Variants in LEPROT observed in about 807,000 individuals in gnomAD.
The protein encoded by LEPROT is leptin receptor overlapping transcript.
In LEPROT, 3 loss-of-function variants were observed where a neutral mutation model predicts 15.4. That is an observed-to-expected ratio of 0.19 (90% confidence interval 0.09 to 0.50). The LOEUF (loss-of-function observed/expected upper bound fraction) is 0.50. LEPROT is among the 20% of genes least tolerant of loss of function. LEPROT has a pLI of 0.97. For synonymous variants in LEPROT, 59 were observed against 57.5 expected (o/e 1.03, Z -0.12); for missense variants, 137 against 162.2 (o/e 0.84, Z 0.84).
chr1:65,434,321 C>CT lies in LEPROT; in HGVS notation c.*2409dup, dbSNP rs927501202. The CT allele has an allele frequency of 6.1e-6, 6 of 984,652 alleles. No homozygotes were observed. The Admixed American group carries it at 3.1e-4, about 51-fold the overall frequency. 61.0% of individuals were successfully genotyped at this position (984,652 alleles called of 1,614,324 possible). The stretch of plus-strand genomic sequence containing the variant: ...GACATTTTTTTCCTTATAAAAGGCT[C>CT]TTTTTTTATATATTGTACAATATAT... On this transcript the variant is annotated 3_prime_UTR_variant, in exon 4 of 4. Transcript: ENST00000371065.
chr1:65,433,753 A>G lies in LEPROT; in HGVS notation c.*1834A>G, dbSNP rs1331590790. On this transcript the variant is annotated 3_prime_UTR_variant, in exon 4 of 4. Coordinates refer to ENST00000371065, the MANE Select transcript of LEPROT (RefSeq NM_017526.5). ...TTTATAATTTTAACCGGCATTTTTA[A>G]TAATGACACTTGCATTTATTGTATT... is the stretch of plus-strand genomic sequence containing the variant. 1.2e-5 allele frequency: 11 copies of G among 919,214 alleles called. No individual in the cohort carries two copies. The highest frequency in any genetic ancestry group is 1.3e-5 in the Non-Finnish European group (10 of 770,042). 56.9% of individuals were successfully genotyped at this position (919,214 alleles called of 1,614,324 possible). A position where few individuals can be genotyped will look rare whatever the true frequency, so the allele number is the denominator to read the frequency against.
At position 65,432,213 on chromosome 1, in the gene LEPROT, T is replaced by C; in HGVS notation, c.*294T>C. The C allele has an allele frequency of 1.9e-6, 2 of 1,043,536 alleles. No homozygotes were observed. Among genetic ancestry groups the C allele is most frequent in the Non-Finnish European group, 2.3e-6 (2 of 866,902 alleles). The allele number at this position is 1,043,536 out of a possible 1,614,324, so 64.6% of individuals were successfully genotyped here. On this transcript the variant is annotated 3_prime_UTR_variant, in exon 4 of 4. Transcript: ENST00000371065. ...AGTCTTGTAGGCAGCTGCCACCTTA[T>C]GCAGTGCATCGAAACCTTTTGCTTG...
chr1:65,424,569 G>T (rs1646320585), intron 1 of LEPROT, among the ~76,000 whole-genome samples: 1 of 152,152 alleles, frequency 6.6e-6, no homozygotes, highest in Admixed American at 6.5e-5. Flanking sequence ...GGCAGACATG[G>T]GTCATTGTCT....
intron 1 of LEPROT, 109 bp from the exon 2 acceptor site, chr1:65,425,194 G>A (rs1402290939): frequency 5.8e-6 from 5 of 856,930 alleles, no homozygotes; most frequent in Admixed American, 2.5e-5. Flanking sequence ...TTACTCATCC[G>A]CCAAAGAAAC....
In LEPROT at chr1:65,420,700, C is replaced by T; in HGVS notation, c.-25C>T. 1 of 1,576,262 alleles carries T rather than the reference C, an allele frequency of 6.3e-7. No homozygotes were observed. Among genetic ancestry groups the T allele is most frequent in the Non-Finnish European group, 8.6e-7 (1 of 1,163,342 alleles). ...CCGGGCCGTGGCAGGAAGCCGGAAG[C>T]AGCCGCGGCCCCAGTTCGGGAGACA... On this transcript the variant is annotated 5_prime_UTR_variant, in exon 1 of 4. Transcript: ENST00000371065.
rs1570443929 is a variant in LEPROT, at chr1:65,435,606, A to G, written c.*3687A>G. The G allele has an allele frequency of 1.4e-6, 1 of 736,992 alleles. No individual in the cohort carries two copies. The highest frequency in any genetic ancestry group is 1.7e-6 in the Non-Finnish European group (1 of 603,506). The allele number at this position is 736,992 out of a possible 1,614,324, so 45.7% of individuals were successfully genotyped here. On this transcript the variant is annotated 3_prime_UTR_variant, in exon 4 of 4. Coordinates refer to ENST00000371065, the MANE Select transcript of LEPROT (RefSeq NM_017526.5). Reference sequence around the variant, plus strand: ...ATGGTCTCGATCTCCTGACCTCATGATCCGCCCGCCTCTGCCTCCCAAAGT... The same window carrying G: ...ATGGTCTCGATCTCCTGACCTCATGGTCCGCCCGCCTCTGCCTCCCAAAGT...
At position 65,432,512 on chromosome 1, in the gene LEPROT, T is replaced by C. The variant is rs1470971506; in HGVS notation, c.*593T>C. 1.5e-6 allele frequency: 1 copy of C among 688,702 alleles called. No individual in the cohort carries two copies. The highest frequency in any genetic ancestry group is 2.0e-5 in the African/African-American group (1 of 51,192). The allele number at this position is 688,702 out of a possible 1,614,324, so 42.7% of individuals were successfully genotyped here. On this transcript the variant is annotated 3_prime_UTR_variant, in exon 4 of 4. Transcript: ENST00000371065. ...GTAAACATCACACCCAACTTCCTTATCTTTCCAGTGGCTAAACCACTTAAC... is the reference window on the plus strand; with the variant it reads ...GTAAACATCACACCCAACTTCCTTACCTTTCCAGTGGCTAAACCACTTAAC...
chr1:65,434,025 A>G lies in LEPROT; in HGVS notation c.*2106A>G. 2.0e-6 allele frequency: 2 copies of G among 985,400 alleles called. No individual in the cohort carries two copies. The highest frequency in any genetic ancestry group is 4.7e-5 in the South Asian group (1 of 21,292). 61.0% of individuals were successfully genotyped at this position (985,400 alleles called of 1,614,324 possible). On this transcript the variant is annotated 3_prime_UTR_variant, in exon 4 of 4. Coordinates refer to ENST00000371065, the MANE Select transcript of LEPROT (RefSeq NM_017526.5). ...TGATTCATTTCTACTACATTTTGCA[A>G]AAGTGTTTTTGTTGCTTATACACAT...
At position 65,433,978 on chromosome 1, in the gene LEPROT, T is replaced by C. The variant is rs1031535664; in HGVS notation, c.*2059T>C. 9.1e-6 allele frequency: 9 copies of C among 985,282 alleles called. No homozygotes were observed. Among genetic ancestry groups the C allele is most frequent in the Non-Finnish European group, 1.1e-5 (9 of 829,896 alleles). The allele number at this position is 985,282 out of a possible 1,614,324, so 61.0% of individuals were successfully genotyped here. On this transcript the variant is annotated 3_prime_UTR_variant, in exon 4 of 4. Coordinates refer to ENST00000371065, the MANE Select transcript of LEPROT (RefSeq NM_017526.5). ...AATGTCTAGTTGGTGTGCAATAGCTTTTCTTTCTAAGATGGCAATAATGAT... is the reference window on the plus strand; with the variant it reads ...AATGTCTAGTTGGTGTGCAATAGCTCTTCTTTCTAAGATGGCAATAATGAT...
rs1056216892 is a variant in LEPROT, at chr1:65,420,729, C to T, written c.5C>T (p.Ala2Val). M[A>V]GVKALVALSF... ...CGCGGCCCCAGTTCGGGAGACATGG[C>T]GGGCGTTAAAGGTACATCGCGGTCC... The change falls in exon 1 of 4, where the codon GCG (alanine) becomes GTG (valine). Residue 2 changes from alanine to valine, a missense_variant. Ala to Val is a moderately conservative substitution (Grantham distance 64, BLOSUM62 0). Transcript: ENST00000371065. The T allele has an allele frequency of 6.9e-6, 11 of 1,583,756 alleles. No homozygotes were observed. The highest frequency in any genetic ancestry group is 1.2e-5 in the South Asian group (1 of 86,558).
intron 1 of LEPROT, chr1:65,421,473 C>T: frequency 1.3e-6 from 2 of 1,536,026 alleles, no homozygotes; most frequent in East Asian, 2.4e-5. Flanking sequence ...GGAAAACATT[C>T]CATTTCTAAT....
Position 65,432,919 on chromosome 1 carries a change from CAAT to C in LEPROT, c.*1004_*1006del. ...CCGTATTGTACCCTATAAAAATATA[CAAT>C]AATTTGTCAATATATAATCAAAATA... is the stretch of plus-strand genomic sequence containing the variant. On this transcript the variant is annotated 3_prime_UTR_variant, in exon 4 of 4. Coordinates refer to ENST00000371065, the MANE Select transcript of LEPROT (RefSeq NM_017526.5). 2 of 947,184 alleles carry C rather than the reference CAAT, an allele frequency of 2.1e-6. No homozygotes were observed. Among genetic ancestry groups the C allele is most frequent in the Non-Finnish European group, 2.5e-6 (2 of 795,316 alleles). 58.7% of individuals were successfully genotyped at this position (947,184 alleles called of 1,614,324 possible). A position where few individuals can be genotyped will look rare whatever the true frequency, so the allele number is the denominator to read the frequency against.
At chr1:65,426,831 T>C (rs530542222) in intron 2 of LEPROT, among the ~76,000 whole-genome samples, 2 of 152,188 alleles carry the variant, frequency 1.3e-5, no homozygotes, top group South Asian at 2.1e-4. Flanking sequence ...ACCCCATCTC[T>C]ACTAAAAATA....
chr1:65,426,579 A>G (rs1439021486), intron 2 of LEPROT, among the ~76,000 whole-genome samples: 2 of 152,170 alleles, frequency 1.3e-5, no homozygotes, highest in Admixed American at 1.3e-4. Flanking sequence ...AGGAATGGAA[A>G]GAAAAGGAGA....
At chr1:65,429,257 A>G (rs75465244) in intron 2 of LEPROT, among the ~76,000 whole-genome samples, 16,588 of 152,188 alleles carry the variant, frequency 0.11, 1,074 homozygotes, top group African/African-American at 0.17. Flanking sequence ...GGGGAAGGAC[A>G]TTGCAAGCAG....
chr1:65,420,821 G>A, intron 1 of LEPROT, 81 bp downstream of exon 1: 2 of 1,510,888 alleles, frequency 1.3e-6, no homozygotes, highest in South Asian at 1.2e-5. Context: ...TGCGCCTTCC[G>A]CGCGCCGTTG....
At chr1:65,421,423 G>T (rs1397459144) in intron 1 of LEPROT, 1 of 1,535,980 alleles carries the variant, frequency 6.5e-7, no homozygotes, top group African/African-American at 1.4e-5. Context: ...AGCAATGCGA[G>T]ACGGAAAAGG....
rs1229307290 is a variant in LEPROT at position 65,433,225 on chromosome 1, T to C, written c.*1306T>C. ...GCCCTGACTTCTCTACGGCTCTGGCTTCTTCCCGAAGAGATATAGGAGCCA... is the reference window on the plus strand; with the variant it reads ...GCCCTGACTTCTCTACGGCTCTGGCCTCTTCCCGAAGAGATATAGGAGCCA... On this transcript the variant is annotated 3_prime_UTR_variant, in exon 4 of 4. Coordinates refer to ENST00000371065, the MANE Select transcript of LEPROT (RefSeq NM_017526.5). 2 of 985,278 alleles carry C rather than the reference T, an allele frequency of 2.0e-6. No individual in the cohort carries two copies. The highest frequency in any genetic ancestry group is 2.4e-6 in the Non-Finnish European group (2 of 829,952). 61.0% of individuals were successfully genotyped at this position (985,278 alleles called of 1,614,324 possible).
intron 2 of LEPROT, among the ~76,000 whole-genome samples, chr1:65,427,205 C>A (rs9436299): frequency 0.69 from 105,410 of 152,060 alleles, 37,629 homozygotes; most frequent in African/African-American, 0.82. Context: ...GAATGTAATA[C>A]GGTATTATTA....
Sources: gnomAD v4.1 joint callset for allele counts (sites outside exome capture counted in the v4.1 genomes callset) on GRCh38, gnomAD v4.1.1 for gene constraint, MANE v1.5 for transcripts, NCBI Gene and HGNC (gene_info 2026-07-23, HGNC 2026-07-21) for gene names.